The following ZNF841 variants were observed in gnomAD, a reference collection of about 807,000 sequenced individuals.
ZNF841 encodes the protein zinc finger protein 841.
ZNF841 carries 11 observed loss-of-function variants against 13.0 expected under a neutral mutation model. The ratio of observed to expected loss-of-function variants is 0.85; its 90% confidence interval spans 0.53 to 1.40. The LOEUF (loss-of-function observed/expected upper bound fraction) is 1.40. ZNF841 is among the 40% of genes most tolerant of loss of function. The pLI, the probability that ZNF841 is intolerant of heterozygous loss-of-function variation, is 0.00. For missense variants in ZNF841, 1,068 were observed against 1,139.5 expected (o/e 0.94, Z 0.90); for synonymous variants, 369 against 381.6 (o/e 0.97, Z 0.38).
chr19:52,087,520 T>C (rs763558407), intron 3 of ZNF841, among the ~76,000 whole-genome samples: 8 of 152,116 alleles, frequency 5.3e-5, no homozygotes, highest in Non-Finnish European at 1.2e-4. Flanking sequence ...TCCAGCTCCA[T>C]CCATGTCCTG....
intron 6 of ZNF841, among the ~76,000 whole-genome samples, chr19:52,071,797 T>C (rs1195673320): frequency 3.3e-5 from 5 of 151,612 alleles, no homozygotes; most frequent in Admixed American, 6.6e-5. Context: ...AACAAAAAAA[T>C]CTAAAAGAGA....
chr19:52,074,620 G>A (rs1192495496), intron 6 of ZNF841, among the ~76,000 whole-genome samples: 8 of 152,140 alleles, frequency 5.3e-5, no homozygotes, highest in African/African-American at 1.9e-4. Context: ...AGATTTGAGA[G>A]ATTCTCCTGC....
At chr19:52,071,424 C>T (rs949192891) in intron 6 of ZNF841, among the ~76,000 whole-genome samples, 5 of 151,990 alleles carry the variant, frequency 3.3e-5, no homozygotes, top group Admixed American at 6.6e-5. Context: ...AGTACAAGAA[C>T]GTTAAGGAGA....
intron 4 of ZNF841, among the ~76,000 whole-genome samples, chr19:52,083,381 A>C (rs1600098968): frequency 6.6e-6 from 1 of 151,528 alleles, no homozygotes; most frequent in Non-Finnish European, 1.5e-5. Flanking sequence ...CCCAAGTTCA[A>C]GGGTGCCCCC....
At chr19:52,083,901 T>C (rs2088184868) in intron 4 of ZNF841, among the ~76,000 whole-genome samples, 1 of 151,774 alleles carries the variant, frequency 6.6e-6, no homozygotes, top group Non-Finnish European at 1.5e-5. Context: ...CGTTATTCCC[T>C]ACCATCCTTA....
At chr19:52,074,639 C>G (rs1288725562) in intron 6 of ZNF841, among the ~76,000 whole-genome samples, 1 of 152,308 alleles carries the variant, frequency 6.6e-6, no homozygotes, top group East Asian at 1.9e-4. Flanking sequence ...GCCTCAGCCC[C>G]CCGAGTAGCT....
intron 4 of ZNF841, among the ~76,000 whole-genome samples, chr19:52,083,130 C>T (rs1264164429): frequency 6.6e-6 from 1 of 151,042 alleles, no homozygotes; most frequent in Non-Finnish European, 1.5e-5. Flanking sequence ...TACAGCAGAA[C>T]ATTCACTTAA....
rs770547184 is a variant in ZNF841 at position 52,089,007 on chromosome 19, TAA to T, written c.-143-7_-143-6del. ...ATTAATCTGGTGTAAGGACCACTGT[TAA>T]AAGAGAAAATTCATGAAGCCGTCAC... On this transcript the variant is annotated splice_polypyrimidine_tract_variant and splice_region_variant and intron_variant, in intron 2 of 6. Coordinates refer to ENST00000594440, the MANE Select transcript of ZNF841 (RefSeq NM_001136499.2). 1.3e-5 allele frequency: 2 copies of T among 152,180 alleles called. No homozygotes were observed. The highest frequency in any genetic ancestry group is 2.9e-5 in the Non-Finnish European group (2 of 68,038). The allele number at this position is 152,180 out of a possible 1,614,324, so 9.4% of individuals were successfully genotyped here.
intron 4 of ZNF841, among the ~76,000 whole-genome samples, chr19:52,083,623 T>C (rs909776566): frequency 6.6e-6 from 1 of 152,152 alleles, no homozygotes; most frequent in Non-Finnish European, 1.5e-5. Flanking sequence ...TCATGTTCTG[T>C]AGTTAAAAGT....
Position 52,067,242 on chromosome 19 carries a change from C to G in ZNF841, c.640G>C (p.Val214Leu). 1 of 1,551,080 alleles carries G rather than the reference C, an allele frequency of 6.4e-7. No homozygotes were observed. The highest frequency in any genetic ancestry group is 8.7e-7 in the Non-Finnish European group (1 of 1,146,778). The change falls in exon 7 of 7, where the codon GTT becomes CTT. Residue 214 changes from valine (V) to leucine (L), a missense_variant. Coordinates refer to ENST00000594440, the MANE Select transcript of ZNF841 (RefSeq NM_001136499.2). ...IYGCNQIERTVNNCFLASPLQ... is the reference protein window; with the variant it reads ...IYGCNQIERTLNNCFLASPLQ... ...GGTGAAGCTAAAAAACAATTATTAACTGTCCTCTCAATTTGATTACATCCA... is the reference window on the plus strand; with the variant it reads ...GGTGAAGCTAAAAAACAATTATTAAGTGTCCTCTCAATTTGATTACATCCA...
At chr19:52,083,656 G>A (rs1216938144) in intron 4 of ZNF841, among the ~76,000 whole-genome samples, 1 of 151,836 alleles carries the variant, frequency 6.6e-6, no homozygotes, top group Non-Finnish European at 1.5e-5. Context: ...ATGCCTTGAT[G>A]TTCTTTTTTT....
intron 4 of ZNF841, among the ~76,000 whole-genome samples, chr19:52,080,917 G>C (rs2088079340): frequency 6.6e-6 from 1 of 152,126 alleles, no homozygotes; most frequent in Admixed American, 6.5e-5. Flanking sequence ...TTAAAATAGG[G>C]AAGTGCCAAA....
In ZNF841 at chr19:52,076,129, T is replaced by C. The variant is rs1293191882; in HGVS notation, c.186A>G (p.Gln62=). The C allele has an allele frequency of 3.2e-6, 5 of 1,557,306 alleles. No homozygotes were observed. The highest frequency in any genetic ancestry group is 4.3e-6 in the Non-Finnish European group (5 of 1,149,818). Reference sequence around the variant, plus strand: ...TCACCACAGTCCAGGGCTCTTTCCCTTGCTCCAACATGGAGATAATATTCA... The same window carrying C: ...TCACCACAGTCCAGGGCTCTTTCCCCTGCTCCAACATGGAGATAATATTCA... ...PDLNIISMLE[Q]GKEPWTVVSQ... The change falls in exon 6 of 7, where the codon CAA becomes CAG. Residue 62 remains glutamine (Q), a synonymous_variant. Coordinates refer to ENST00000594440, the MANE Select transcript of ZNF841 (RefSeq NM_001136499.2).
At chr19:52,077,913 T>C (rs1475732893) in intron 4 of ZNF841, among the ~76,000 whole-genome samples, 1 of 152,178 alleles carries the variant, frequency 6.6e-6, no homozygotes, top group South Asian at 2.1e-4. Context: ...TGTTGCTGCA[T>C]AGGGGACGAA....
intron 6 of ZNF841, among the ~76,000 whole-genome samples, chr19:52,067,891 T>C (rs2087632946): frequency 6.6e-6 from 1 of 152,090 alleles, no homozygotes; most frequent in African/African-American, 2.4e-5. Flanking sequence ...AAAACAAGTA[T>C]TTTGCAATCG....
Position 52,084,885 on chromosome 19 carries a change from G to A in ZNF841, c.-77-7C>T, listed in dbSNP as rs980984838. ...AATTCTTTAAAAGTCAAATCTGAAA[G>A]TCAAAAATATGTTGTTTAATCCTTG... On this transcript the variant is annotated splice_polypyrimidine_tract_variant and splice_region_variant and intron_variant, in intron 3 of 6. Transcript: ENST00000594440. 246 of 1,430,382 alleles carry A rather than the reference G, an allele frequency of 1.7e-4. 1 individual carries two copies. The highest frequency in any genetic ancestry group is 4.6e-4 in the Middle Eastern group (2 of 4,326). 88.6% of individuals were successfully genotyped at this position (1,430,382 alleles called of 1,614,324 possible). A position where few individuals can be genotyped will look rare whatever the true frequency, so the allele number is the denominator to read the frequency against.
chr19:52,062,987 T>C (rs2087430107), downstream of ZNF841, among the ~76,000 whole-genome samples: 1 of 151,288 alleles, frequency 6.6e-6, no homozygotes. Flanking sequence ...ACAATTCTCA[T>C]GCCTCAGCCT....
In ZNF841 at chr19:52,077,086, T is replaced by C. The variant is rs772656830; in HGVS notation, c.16-2A>G. On this transcript the variant is annotated splice_acceptor_variant, in intron 4 of 6. Coordinates refer to ENST00000594440, the MANE Select transcript of ZNF841 (RefSeq NM_001136499.2). LOFTEE classifies it high-confidence loss of function. ...CACATCCCTGAATGTCAAAGATCCCTGAAATGAAAAACACATTTCAATATG... is the reference window on the plus strand; with the variant it reads ...CACATCCCTGAATGTCAAAGATCCCCGAAATGAAAAACACATTTCAATATG... The C allele has an allele frequency of 8.9e-5, 143 of 1,605,748 alleles. 1 individual carries two copies. Among genetic ancestry groups the C allele is most frequent in the Non-Finnish European group, 1.2e-4 (136 of 1,176,608 alleles).
chr19:52,061,658 T>A (rs2087399198), downstream of ZNF841, among the ~76,000 whole-genome samples: 1 of 152,230 alleles, frequency 6.6e-6, no homozygotes, highest in Admixed American at 6.5e-5. Flanking sequence ...GCAATTCTCC[T>A]GCCTCAGCCT....
Sources: gnomAD v4.1 joint callset for allele counts (sites outside exome capture counted in the v4.1 genomes callset) on GRCh38, gnomAD v4.1.1 for gene constraint, MANE v1.5 for transcripts, NCBI Gene and HGNC (gene_info 2026-07-23, HGNC 2026-07-21) for gene names.